Variants in RRN3 observed in about 807,000 individuals in gnomAD.
The protein encoded by RRN3 is RNA polymerase I-specific transcription initiation factor RRN3.
Under a neutral mutation model 82.3 loss-of-function variants are expected in RRN3, and 38 were observed. That is an observed-to-expected ratio of 0.46 (90% CI 0.36 to 0.61). The LOEUF (loss-of-function observed/expected upper bound fraction) is 0.61. Among genes scored for constraint, RRN3 ranks in the 20% least tolerant of loss-of-function variants. The pLI, the probability that RRN3 is intolerant of heterozygous loss-of-function variation, is 0.00. For missense variants in RRN3, 726 were observed against 793.1 expected, an observed-to-expected ratio of 0.92 and a Z score of 1.02; for synonymous variants, 284 against 284.3, an observed-to-expected ratio of 1.00 and a Z score of 0.01.
intron 3 of RRN3, among the ~76,000 whole-genome samples, chr16:15,089,617 G>A (rs1227568610): frequency 6.6e-6 from 1 of 151,312 alleles, no homozygotes; most frequent in Non-Finnish European, 1.5e-5. Context: ...TGGCTAACAT[G>A]GTGAAACCCC....
intron 11 of RRN3, 49 bp from the exon 12 acceptor site, chr16:15,073,129 GT>G (rs764873398): frequency 1.3e-6 from 2 of 1,582,156 alleles, no homozygotes; most frequent in Admixed American, 3.7e-5. Context: ...ATATTTTCAA[GT>G]TTCATCTGCC....
intron 15 of RRN3, among the ~76,000 whole-genome samples, chr16:15,065,585 G>A (rs558301026): frequency 1.3e-5 from 2 of 152,206 alleles, no homozygotes; most frequent in African/African-American, 2.4e-5. Context: ...GAAAGAAAAC[G>A]TGGCTATCAC....
chr16:15,093,980 C>T, intron 1 of RRN3, 165 bp downstream of exon 1: 3 of 675,146 alleles, frequency 4.4e-6, no homozygotes, highest in African/African-American at 1.8e-5. Context: ...TGTCTATTAC[C>T]CAGTTAGGAG....
At chr16:15,072,165 A>G (rs541400170) in intron 12 of RRN3, among the ~76,000 whole-genome samples, 13 of 151,842 alleles carry the variant, frequency 8.6e-5, no homozygotes, top group African/African-American at 2.9e-4. Context: ...CTTCTTTCCC[A>G]TGACCAACAC....
chr16:15,092,384 T>A, intron 2 of RRN3, 125 bp downstream of exon 2: 1 of 684,264 alleles, frequency 1.5e-6, no homozygotes, highest in Non-Finnish European at 2.6e-6. Context: ...ATCATGCTAT[T>A]ATTAAATATT....
rs1032535909 is a variant in RRN3 at position 15,063,386 on chromosome 16, G to A, written c.1707-103C>T. The A allele has an allele frequency of 7.4e-5, 64 of 861,116 alleles. No individual in the cohort carries two copies. The African/African-American group carries it at 9.2e-4, about 12-fold the overall frequency. 53.3% of individuals were successfully genotyped at this position (861,116 alleles called of 1,614,324 possible). A position where few individuals can be genotyped will look rare whatever the true frequency, so the allele number is the denominator to read the frequency against. On this transcript the variant is annotated intron_variant, in intron 16 of 17. Coordinates refer to ENST00000198767, the MANE Select transcript of RRN3 (RefSeq NM_018427.5). ...AAGATCTATTACCCAAAACCAAGAA[G>A]TGAAAACTACAGCTTAAATAATTAC... is the stretch of plus-strand genomic sequence containing the variant.
At position 15,060,913 on chromosome 16, in the gene RRN3, C is replaced by G. The variant is rs2044685767; in HGVS notation, c.*831G>C. 1 of 152,230 alleles carries G rather than the reference C, an allele frequency of 6.6e-6. No homozygotes were observed. Among genetic ancestry groups the G allele is most frequent in the Non-Finnish European group, 1.5e-5 (1 of 68,054 alleles). The allele number at this position is 152,230 out of a possible 1,614,324, so 9.4% of individuals were successfully genotyped here. ...TGGCCACCAAGGAGCAGTTCTAGATCTAAGGGGACACTTGAGAGCCAAGGG... is the reference window on the plus strand; with the variant it reads ...TGGCCACCAAGGAGCAGTTCTAGATGTAAGGGGACACTTGAGAGCCAAGGG... On this transcript the variant is annotated 3_prime_UTR_variant, in exon 18 of 18. Transcript: ENST00000198767.
rs188789818 is a variant in RRN3 at position 15,083,747 on chromosome 16, G to A, written c.597-165C>T. The A allele has an allele frequency of 2.8e-3, 2,418 of 876,974 alleles. 6 individuals carry two copies. Among genetic ancestry groups the A allele is most frequent in the African/African-American group, 5.7e-3 (335 of 58,428 alleles). 54.3% of individuals were successfully genotyped at this position (876,974 alleles called of 1,614,324 possible). ...TTTTTGTTTTTTGAGACGGAGTTTC[G>A]CTCTTGTTGCCCAGGCTGGAGTGCA... On this transcript the variant is annotated intron_variant, in intron 7 of 17. Transcript: ENST00000198767.
chr16:15,082,617 G>A (rs1013455234), intron 8 of RRN3, among the ~76,000 whole-genome samples: 5 of 151,530 alleles, frequency 3.3e-5, no homozygotes, highest in African/African-American at 7.3e-5. Flanking sequence ...AGGCTGCAGC[G>A]AGCTGAGATG....
rs1329007422 is a variant in RRN3 at position 15,071,629 on chromosome 16, A to G, written c.1129-378T>C. Among the ~76,000 whole-genome samples, 4 of 152,248 alleles carry G rather than the reference A, an allele frequency of 2.6e-5. No homozygotes were observed. In the South Asian group the frequency reaches 6.2e-4, roughly 24 times the overall value. ...CTAAAAATACAAAAATTAGCCAGGC[A>G]TGGTGGCAGGTGCCTGTAATCCCAG... is the stretch of plus-strand genomic sequence containing the variant. On this transcript the variant is annotated intron_variant, in intron 12 of 17. Coordinates refer to ENST00000198767, the MANE Select transcript of RRN3 (RefSeq NM_018427.5).
chr16:15,074,925 A>T, intron 10 of RRN3, 64 bp from the exon 11 acceptor site: 1 of 1,469,026 alleles, frequency 6.8e-7, no homozygotes, highest in Non-Finnish European at 9.3e-7. Flanking sequence ...TTAGTAGGAA[A>T]ACTGTCATAA....
chr16:15,087,082 A>G (rs531417465), intron 3 of RRN3, among the ~76,000 whole-genome samples: 94 of 152,354 alleles, frequency 6.2e-4, no homozygotes, highest in African/African-American at 2.1e-3. Context: ...TATAAAATAC[A>G]GTGTCAATTA....
chr16:15,084,429 G>A (rs1207655581), intron 7 of RRN3, among the ~76,000 whole-genome samples: 2 of 151,828 alleles, frequency 1.3e-5, no homozygotes, highest in African/African-American at 4.8e-5. Flanking sequence ...ATTGGGGGAG[G>A]ATCTGCATAC....
In RRN3 at chr16:15,079,761, T is replaced by G. The variant is rs2941254; in HGVS notation, c.765+237A>C. ...GCACCCACCATCATGCCTGGCTAAT[T>G]TTTTATTTGTATTTTTATAGAGACG... On this transcript the variant is annotated intron_variant, in intron 9 of 17. Transcript: ENST00000198767. Among the ~76,000 whole-genome samples, 1,328 of 152,186 alleles carry G rather than the reference T, an allele frequency of 8.7e-3. 10 individuals are homozygous for G. The highest frequency in any genetic ancestry group is 0.013 in the Non-Finnish European group (866 of 68,004).
intron 2 of RRN3, among the ~76,000 whole-genome samples, chr16:15,091,790 T>C (rs967006845): frequency 2.0e-4 from 30 of 152,208 alleles, no homozygotes; most frequent in African/African-American, 6.3e-4. Flanking sequence ...TGAGATACAG[T>C]AGAAATGCTT....
chr16:15,078,281 C>T (rs2045551220), intron 9 of RRN3, among the ~76,000 whole-genome samples: 1 of 152,124 alleles, frequency 6.6e-6, no homozygotes, highest in African/African-American at 2.4e-5. Context: ...TCAATGTTTT[C>T]CTCCACCAAA....
chr16:15,089,660 G>A (rs147836252), intron 3 of RRN3, among the ~76,000 whole-genome samples: 13 of 151,542 alleles, frequency 8.6e-5, no homozygotes, highest in South Asian at 8.3e-4. Flanking sequence ...ATTAGCTGGC[G>A]GTGGTGGCGG....
intron 11 of RRN3, among the ~76,000 whole-genome samples, chr16:15,074,013 T>A (rs555401645): frequency 3.3e-5 from 5 of 152,308 alleles, no homozygotes; most frequent in African/African-American, 1.2e-4. Flanking sequence ...TAAAAAATAC[T>A]CTCCTACATA....
intron 9 of RRN3, among the ~76,000 whole-genome samples, chr16:15,078,292 G>A (rs2045551341): frequency 6.6e-6 from 1 of 151,972 alleles, no homozygotes; most frequent in Admixed American, 6.6e-5. Context: ...CTCCACCAAA[G>A]CTCCTCTCCC....
Sources: gnomAD v4.1 joint callset for allele counts (sites outside exome capture counted in the v4.1 genomes callset) on GRCh38, gnomAD v4.1.1 for gene constraint, MANE v1.5 for transcripts, NCBI Gene and HGNC (gene_info 2026-07-23, HGNC 2026-07-21) for gene names.